PANK4: variants seen among roughly 807,000 people sequenced by gnomAD.
PANK4 encodes pantothenate kinase 4 (inactive), also known as 4'-phosphopantetheine phosphatase.
Under a neutral mutation model 87.9 loss-of-function variants are expected in PANK4, and 40 were observed. The observed-to-expected ratio is 0.46, with a 90% CI of 0.35 to 0.59. The LOEUF (loss-of-function observed/expected upper bound fraction) is 0.59. Among genes scored for constraint, PANK4 ranks in the 20% least tolerant of loss-of-function variants. The pLI is 0.00. For synonymous variants in PANK4, 524 were observed against 467.4 expected (o/e 1.12, Z -1.56); for missense variants, 926 against 1,072.3 (o/e 0.86, Z 1.90).
chr1:2,515,550 CGG>C lies in PANK4; in HGVS notation c.1374+10_1374+11del. 2 of 1,611,966 alleles carry C rather than the reference CGG, an allele frequency of 1.2e-6. No homozygotes were observed. The highest frequency in any genetic ancestry group is 1.7e-6 in the Non-Finnish European group (2 of 1,179,546). ...GCCTTGGAATCGTCTAGACGGCACC[CGG>C]AGCCCTCACCCCGTCCAGGGCCTCC... On this transcript the variant is annotated intron_variant, in intron 10 of 18. Coordinates refer to ENST00000378466, the MANE Select transcript of PANK4 (RefSeq NM_018216.4). This position sits in a 1 kb window ranked among gnomAD's most constrained non-coding sequence, Gnocchi z 5.0.
chr1:2,513,109 C>G (rs973506792), intron 12 of PANK4, 70 bp from the exon 13 acceptor site: 2 of 1,490,570 alleles, frequency 1.3e-6, no homozygotes, highest in Non-Finnish European at 9.1e-7. Flanking sequence ...ACCTGCCAGG[C>G]GCAGCCTGTT....
In PANK4 at chr1:2,510,512, A is replaced by C; in HGVS notation, c.1938+166T>G. ...TGAGCCCAGGGGGCTCGGAGCCTCC[A>C]CCCCAGCAGATGACGGCTCTGGGCC... On this transcript the variant is annotated intron_variant, in intron 16 of 18. Coordinates refer to ENST00000378466, the MANE Select transcript of PANK4 (RefSeq NM_018216.4). This position sits in a 1 kb window ranked among gnomAD's most constrained non-coding sequence, Gnocchi z 4.9. 1.6e-6 allele frequency: 1 copy of C among 635,192 alleles called. No individual in the cohort carries two copies. The highest frequency in any genetic ancestry group is 2.6e-5 in the East Asian group (1 of 38,184). 39.3% of individuals were successfully genotyped at this position (635,192 alleles called of 1,614,324 possible). A position where few individuals can be genotyped will look rare whatever the true frequency, so the allele number is the denominator to read the frequency against.
intron 11 of PANK4, 22 bp from the exon 12 acceptor site, chr1:2,514,111 G>A (rs775523287): frequency 4.1e-5 from 66 of 1,595,472 alleles, no homozygotes; most frequent in Non-Finnish European, 5.5e-5. Context: ...CACGGCAGAG[G>A]GCGCTGAGCA....
In PANK4 at chr1:2,508,931, G is replaced by A. The variant is rs1343488040; in HGVS notation, c.2238C>T (p.Ala746=). Residue 746 remains alanine, a synonymous_variant, in exon 19 of 19, where the codon GCC becomes GCT. Coordinates refer to ENST00000378466, the MANE Select transcript of PANK4 (RefSeq NM_018216.4). This position sits in a 1 kb window ranked among gnomAD's most constrained non-coding sequence, Gnocchi z 5.1. ...CGGCCAGCCACGCGTTCTTGATGACGGCCAGCTTGAGGCTCTCGCAGCGCA... is the reference window on the plus strand; with the variant it reads ...CGGCCAGCCACGCGTTCTTGATGACAGCCAGCTTGAGGCTCTCGCAGCGCA... ...AALRCESLKL[A]VIKNAWLAER... 5.6e-6 allele frequency: 9 copies of A among 1,610,560 alleles called. No individual in the cohort carries two copies. The highest frequency in any genetic ancestry group is 4.5e-5 in the East Asian group (2 of 44,762).
In PANK4 at chr1:2,510,831, G is replaced by C; in HGVS notation, c.1834-49C>G. On this transcript the variant is annotated intron_variant, in intron 15 of 18. Transcript: ENST00000378466. This position sits in a 1 kb window ranked among gnomAD's most constrained non-coding sequence, Gnocchi z 4.9. Reference sequence around the variant, plus strand: ...CAGTTGGGAACAGGCGCATCCAAGCGAGTCAGTCCGCACCCCTGCTGCCCG... The same window carrying C: ...CAGTTGGGAACAGGCGCATCCAAGCCAGTCAGTCCGCACCCCTGCTGCCCG... The C allele has an allele frequency of 9.2e-7, 1 of 1,089,246 alleles. No homozygotes were observed. The highest frequency in any genetic ancestry group is 2.4e-5 in the East Asian group (1 of 42,540). 67.5% of individuals were successfully genotyped at this position (1,089,246 alleles called of 1,614,324 possible).
intron 9 of PANK4, among the ~76,000 whole-genome samples, chr1:2,516,195 CCTCA>C (rs1307568266): frequency 1.6e-4 from 25 of 152,294 alleles, no homozygotes; most frequent in Admixed American, 1.2e-3. Context: ...GGGGTTCTGT[CCTCA>C]CTAAGCACCA....
rs1030606399 is a variant in PANK4, at chr1:2,515,310, TAGC to T, written c.1374+249_1374+251del. The T allele has an allele frequency of 6.0e-5, 41 of 686,260 alleles. No individual in the cohort carries two copies. The highest frequency in any genetic ancestry group is 1.0e-4 in the Non-Finnish European group (39 of 375,074). 42.5% of individuals were successfully genotyped at this position (686,260 alleles called of 1,614,324 possible). ...TTGCTTTTTGAAGGAATGTGCTAGC[TAGC>T]AGAACTATCAGCTGCCCTTAGAAGC... On this transcript the variant is annotated intron_variant, in intron 10 of 18. Transcript: ENST00000378466. The surrounding 1 kb of genome is among the most constrained non-coding windows in gnomAD (Gnocchi z 5.0).
At chr1:2,525,282 C>T (rs1167582683) in intron 1 of PANK4, among the ~76,000 whole-genome samples, 1 of 152,102 alleles carries the variant, frequency 6.6e-6, no homozygotes, top group Non-Finnish European at 1.5e-5. Context: ...AAGCAGTCAG[C>T]GGCAGGCCCA....
At position 2,510,814 on chromosome 1, in the gene PANK4, A is replaced by T. The variant is rs754046253; in HGVS notation, c.1834-32T>A. 5.4e-6 allele frequency: 7 copies of T among 1,290,192 alleles called. No homozygotes were observed. In the Admixed American group the frequency reaches 1.2e-4, roughly 22 times the overall value. 79.9% of individuals were successfully genotyped at this position (1,290,192 alleles called of 1,614,324 possible). On this transcript the variant is annotated intron_variant, in intron 15 of 18. Coordinates refer to ENST00000378466, the MANE Select transcript of PANK4 (RefSeq NM_018216.4). This position sits in a 1 kb window ranked among gnomAD's most constrained non-coding sequence, Gnocchi z 4.9. ...GACAAAACCAGGACGTTCAGTTGGGAACAGGCGCATCCAAGCGAGTCAGTC... is the reference window on the plus strand; with the variant it reads ...GACAAAACCAGGACGTTCAGTTGGGTACAGGCGCATCCAAGCGAGTCAGTC...
chr1:2,518,094 G>A, intron 9 of PANK4, 70 bp downstream of exon 9: 2 of 925,862 alleles, frequency 2.2e-6, no homozygotes, highest in Non-Finnish European at 3.2e-6. Flanking sequence ...GCTTCGCTCA[G>A]GGACAGGCGA....
At position 2,510,237 on chromosome 1, in the gene PANK4, G is replaced by T; in HGVS notation, c.1939-80C>A. The T allele has an allele frequency of 1.1e-6, 1 of 934,476 alleles. No individual in the cohort carries two copies. The highest frequency in any genetic ancestry group is 1.7e-6 in the Non-Finnish European group (1 of 587,308). 57.9% of individuals were successfully genotyped at this position (934,476 alleles called of 1,614,324 possible). A position where few individuals can be genotyped will look rare whatever the true frequency, so the allele number is the denominator to read the frequency against. Reference sequence around the variant, plus strand: ...CTGCGTGCACCCCGGCCTTCGAGTGGCTGGGCTGGGTGAGGGTGCTGTGCC... The same window carrying T: ...CTGCGTGCACCCCGGCCTTCGAGTGTCTGGGCTGGGTGAGGGTGCTGTGCC... On this transcript the variant is annotated intron_variant, in intron 16 of 18. Coordinates refer to ENST00000378466, the MANE Select transcript of PANK4 (RefSeq NM_018216.4). This position sits in a 1 kb window ranked among gnomAD's most constrained non-coding sequence, Gnocchi z 4.9.
At position 2,520,504 on chromosome 1, in the gene PANK4, A is replaced by C; in HGVS notation, c.607-90T>G. On this transcript the variant is annotated intron_variant, in intron 4 of 18. Transcript: ENST00000378466. This position sits in a 1 kb window ranked among gnomAD's most constrained non-coding sequence, Gnocchi z 6.2. ...CCGCCCCATGTGCTGCGCTGGGGTG[A>C]ACCCCGCCCCCACCCCAACCGCCAG... 1.6e-6 allele frequency: 1 copy of C among 639,060 alleles called. No homozygotes were observed. The highest frequency in any genetic ancestry group is 2.2e-6 in the Non-Finnish European group (1 of 445,870). The allele number at this position is 639,060 out of a possible 1,614,324, so 39.6% of individuals were successfully genotyped here.
chr1:2,520,855 C>A lies in PANK4; in HGVS notation c.474G>T (p.Val158=). 1 of 1,580,640 alleles carries A rather than the reference C, an allele frequency of 6.3e-7. No homozygotes were observed. Among genetic ancestry groups the A allele is most frequent in the Non-Finnish European group, 8.6e-7 (1 of 1,164,348 alleles). Residue 158 remains valine (V), a synonymous_variant, in exon 4 of 19, where the codon GTG becomes GTT. Coordinates refer to ENST00000378466, the MANE Select transcript of PANK4 (RefSeq NM_018216.4). This position sits in a 1 kb window ranked among gnomAD's most constrained non-coding sequence, Gnocchi z 6.2. Reference sequence around the variant, plus strand: ...AGGCCTCATGGGGGATGTTCTTGAGCACGAAGTTGCACCCCTTAATCAGGC... The same window carrying A: ...AGGCCTCATGGGGGATGTTCTTGAGAACGAAGTTGCACCCCTTAATCAGGC... The part of the protein sequence containing the change: ...MTCLIKGCNF[V]LKNIPHEAFV...
In PANK4 at chr1:2,520,461, C is replaced by T. The variant is rs1174605792; in HGVS notation, c.607-47G>A. ...TGTGCCCTCAGTGGGCCCTCAGCCA[C>T]ACAGGCTCCCCCGCCCCCCGCCCCA... is the stretch of plus-strand genomic sequence containing the variant. On this transcript the variant is annotated intron_variant, in intron 4 of 18. Coordinates refer to ENST00000378466, the MANE Select transcript of PANK4 (RefSeq NM_018216.4). The surrounding 1 kb of genome is among the most constrained non-coding windows in gnomAD (Gnocchi z 6.2). The T allele has an allele frequency of 6.6e-7, 1 of 1,524,266 alleles. No homozygotes were observed. The highest frequency in any genetic ancestry group is 9.1e-7 in the Non-Finnish European group (1 of 1,102,720). The allele number at this position is 1,524,266 out of a possible 1,614,324, so 94.4% of individuals were successfully genotyped here. A position where few individuals can be genotyped will look rare whatever the true frequency, so the allele number is the denominator to read the frequency against.
rs1176876278 is a variant in PANK4, at chr1:2,520,561, G to A, written c.607-147C>T. On this transcript the variant is annotated intron_variant, in intron 4 of 18. Coordinates refer to ENST00000378466, the MANE Select transcript of PANK4 (RefSeq NM_018216.4). The surrounding 1 kb of genome is among the most constrained non-coding windows in gnomAD (Gnocchi z 6.2). ...GACTCTCATGGCCAAGCCTGGGGGC[G>A]CTGATGCCCCTCCCACAGAGGCTCT... The A allele has an allele frequency of 1.2e-5, 12 of 1,010,286 alleles. No homozygotes were observed. The highest frequency in any genetic ancestry group is 2.1e-5 in the Admixed American group (1 of 47,148). 62.6% of individuals were successfully genotyped at this position (1,010,286 alleles called of 1,614,324 possible).
chr1:2,512,621 T>G (rs1643680218), intron 13 of PANK4: 1 of 462,292 alleles, frequency 2.2e-6, no homozygotes, highest in African/African-American at 2.0e-5. Flanking sequence ...GCCCCGATTT[T>G]CAAATCCACA....
chr1:2,526,517 G>T lies in PANK4; in HGVS notation c.71C>A (p.Pro24His), dbSNP rs1269068831. 7 of 1,587,240 alleles carry T rather than the reference G, an allele frequency of 4.4e-6. No homozygotes were observed. The South Asian group carries it at 7.9e-5, about 18-fold the overall frequency. Reference protein sequence around the residue: ...DSLDKSITLPPDEIFRNLENA... With the variant: ...DSLDKSITLPHDEIFRNLENA... Reference sequence around the variant, plus strand: ...CTCCAGGTTGCGGAAGATCTCGTCGGGGGGCAGCGTGATGCTCTTGTCCAG... The same window carrying T: ...CTCCAGGTTGCGGAAGATCTCGTCGTGGGGCAGCGTGATGCTCTTGTCCAG... Residue 24 changes from proline to histidine, a missense_variant, in exon 1 of 19, where the codon CCC becomes CAC. By Grantham distance (77) the Pro-to-His change is moderately conservative (BLOSUM62 -2). Transcript: ENST00000378466.
chr1:2,512,916 A>T lies in PANK4; in HGVS notation c.1699T>A (p.Phe567Ile), dbSNP rs1251882510. The part of the protein sequence containing the change: ...LVKGLLAGNV[F>I]DWGAKAVSAV... ...GACACGGCTTTGGCCCCCCAGTCGA[A>T]GACATTCCCCGCCAGGAGGCCTTTC... is the stretch of plus-strand genomic sequence containing the variant. Residue 567 changes from phenylalanine to isoleucine, a missense_variant, in exon 13 of 19, where the codon TTC becomes ATC. By Grantham distance (21) the Phe-to-Ile change is conservative (BLOSUM62 0). Coordinates refer to ENST00000378466, the MANE Select transcript of PANK4 (RefSeq NM_018216.4). The T allele has an allele frequency of 6.2e-7, 1 of 1,612,696 alleles. No individual in the cohort carries two copies. The highest frequency in any genetic ancestry group is 8.5e-7 in the Non-Finnish European group (1 of 1,179,872).
At chr1:2,518,287 A>G (rs1345948603) in intron 8 of PANK4, 23 bp from the exon 9 acceptor site, 2 of 1,530,890 alleles carry the variant, frequency 1.3e-6, no homozygotes, top group Non-Finnish European at 1.8e-6. Flanking sequence ...AAGCCAGGTC[A>G]CTTGTGTTAA....
Sources: allele counts gnomAD v4.1 joint callset (sites outside exome capture counted in the v4.1 genomes callset), GRCh38; gene constraint gnomAD v4.1.1; non-coding constraint Gnocchi (gnomAD v3.1); transcripts MANE v1.5; gene names NCBI Gene and HGNC (gene_info 2026-07-23, HGNC 2026-07-21).